The following TTLL5 variants were observed in gnomAD, a reference collection of about 807,000 sequenced individuals.
The protein encoded by TTLL5 is tubulin tyrosine ligase like 5.
TTLL5 carries 132 observed loss-of-function variants against 168.4 expected under a neutral mutation model. The ratio of observed to expected loss-of-function variants is 0.78; its 90% CI spans 0.68 to 0.91. TTLL5 has a LOEUF of 0.91. TTLL5 is among the 40% of genes least tolerant of loss of function. The pLI, the probability that TTLL5 is intolerant of heterozygous loss-of-function variation, is 0.00. For missense variants in TTLL5, 1,545 were observed against 1,581.5 expected (o/e 0.98, Z 0.39); for synonymous variants, 546 against 558.6 (o/e 0.98, Z 0.32).
chr14:75,937,985 G>A (rs1342972545), intron 31 of TTLL5, among the ~76,000 whole-genome samples: 1 of 152,186 alleles, frequency 6.6e-6, no homozygotes, highest in Non-Finnish European at 1.5e-5. Context: ...CCGCACACAA[G>A]GGTTTCTGTT....
chr14:75,922,782 T>C (rs1382026740), intron 31 of TTLL5, among the ~76,000 whole-genome samples: 1 of 152,202 alleles, frequency 6.6e-6, no homozygotes, highest in Non-Finnish European at 1.5e-5. Context: ...TTCTATTGAC[T>C]GGAATAGTTT....
chr14:75,760,158 A>G (rs578080175), intron 18 of TTLL5, among the ~76,000 whole-genome samples: 8 of 152,262 alleles, frequency 5.3e-5, no homozygotes, highest in African/African-American at 1.9e-4. Flanking sequence ...TTAGGATACA[A>G]GATCGACATA....
intron 31 of TTLL5, among the ~76,000 whole-genome samples, chr14:75,940,077 CTTTTTTT>C (rs5809741): frequency 1.3e-5 from 1 of 78,834 alleles, no homozygotes. Context: ...GAAATTAAAT[CTTTTTTT>C]TTTTTTTTTT....
Position 75,937,122 on chromosome 14 carries a change from A to ATTT in TTLL5, c.3824-17291_3824-17289dup, listed in dbSNP as rs33999782. 5.4e-3 allele frequency among the ~76,000 whole-genome samples: 783 copies of ATTT among 146,256 alleles called. 14 individuals are homozygous for ATTT. Among genetic ancestry groups the ATTT allele is most frequent in the South Asian group, 0.025 (116 of 4,608 alleles). On this transcript the variant is annotated intron_variant, in intron 31 of 31. Transcript: ENST00000298832. ...AGTGTATGGCATTAAGTACATTTAC[A>ATTT]TTTTTTTTTTTTTAAGTCAGAGTCT... is the stretch of plus-strand genomic sequence containing the variant.
intron 30 of TTLL5, among the ~76,000 whole-genome samples, chr14:75,890,121 T>G (rs1189170316): frequency 6.6e-6 from 1 of 152,170 alleles, no homozygotes; most frequent in South Asian, 2.1e-4. Flanking sequence ...CATGAGGACT[T>G]CCCTGAGCTC....
intron 14 of TTLL5, 45 bp downstream of exon 14, chr14:75,734,095 C>T (rs765296960): frequency 1.4e-5 from 22 of 1,588,960 alleles, no homozygotes; most frequent in Middle Eastern, 1.7e-4. Context: ...AAAAATTAAC[C>T]GGAGCGTCCA....
intron 31 of TTLL5, among the ~76,000 whole-genome samples, chr14:75,949,455 CTA>C (rs1429586192): frequency 9.4e-6 from 1 of 106,930 alleles, no homozygotes; most frequent in Non-Finnish European, 1.9e-5. Context: ...ATTCTATATC[CTA>C]TATATATATA....
chr14:75,764,220 T>C (rs1050323329), intron 18 of TTLL5, among the ~76,000 whole-genome samples: 1 of 152,228 alleles, frequency 6.6e-6, no homozygotes, highest in African/African-American at 2.4e-5. Context: ...GAGTAAGTTA[T>C]AATGGGTAGA....
intron 31 of TTLL5, among the ~76,000 whole-genome samples, chr14:75,914,830 A>G (rs1361848319): frequency 2.6e-5 from 4 of 152,208 alleles, no homozygotes; most frequent in East Asian, 1.9e-4. Context: ...TCACTGTGTT[A>G]GCCAGGATGG....
intron 29 of TTLL5, among the ~76,000 whole-genome samples, chr14:75,864,992 G>A (rs1171460584): frequency 4.0e-5 from 6 of 151,830 alleles, no homozygotes; most frequent in South Asian, 2.1e-4. Flanking sequence ...CTTTACCTGC[G>A]GTAGTATACT....
chr14:75,882,817 C>A lies in TTLL5; in HGVS notation c.3655C>A (p.Pro1219Thr). The change falls in exon 30 of 32, where the codon CCA becomes ACA. Residue 1219 changes from proline (P) to threonine (T), a missense_variant. Transcript: ENST00000298832. ...TCTGCCACAAAAAGTGGTACCACCTCCAAGTTCTTGCGCCTCCCTGGTTCC... is the reference window on the plus strand; with the variant it reads ...TCTGCCACAAAAAGTGGTACCACCTACAAGTTCTTGCGCCTCCCTGGTTCC... ...TTLPQKVVPP[P>T]SSCASLVPKP... is the part of the protein sequence containing the mutation. 6.2e-7 allele frequency: 1 copy of A among 1,614,130 alleles called. No homozygotes were observed. The highest frequency in any genetic ancestry group is 1.3e-5 in the African/African-American group (1 of 75,032).
intron 6 of TTLL5, among the ~76,000 whole-genome samples, chr14:75,690,606 T>C (rs1439850780): frequency 1.3e-5 from 2 of 150,374 alleles, no homozygotes; most frequent in Non-Finnish European, 3.0e-5. Flanking sequence ...CATTGATGAC[T>C]TAGTGCCTAT....
At chr14:75,668,879 T>G (rs80317062) in intron 2 of TTLL5, among the ~76,000 whole-genome samples, 4,606 of 152,288 alleles carry the variant, frequency 0.03, 118 homozygotes, top group African/African-American at 0.063. Flanking sequence ...AAGAGAATAC[T>G]TTCACTCATA....
intron 27 of TTLL5, among the ~76,000 whole-genome samples, chr14:75,802,967 G>A (rs759827338): frequency 6.6e-6 from 1 of 152,178 alleles, no homozygotes; most frequent in African/African-American, 2.4e-5. Flanking sequence ...GTAGCGAAAC[G>A]AGTGACAGGC....
At chr14:75,690,844 A>C (rs1377000199) in intron 6 of TTLL5, among the ~76,000 whole-genome samples, 2 of 152,000 alleles carry the variant, frequency 1.3e-5, no homozygotes, top group Non-Finnish European at 2.9e-5. Context: ...GGTCTTGAAC[A>C]CCTGGGCTCA....
At chr14:75,832,450 A>G (rs1020496091) in intron 28 of TTLL5, among the ~76,000 whole-genome samples, 1 of 152,082 alleles carries the variant, frequency 6.6e-6, no homozygotes, top group Admixed American at 6.5e-5. Flanking sequence ...CTTTCCTGAG[A>G]TGTAAGCTAC....
At chr14:75,889,825 TA>T (rs1183125823) in intron 30 of TTLL5, among the ~76,000 whole-genome samples, 14 of 32,934 alleles carry the variant, frequency 4.3e-4, no homozygotes, top group South Asian at 1.3e-3. Flanking sequence ...GCGAGACTCT[TA>T]AAAAAAAAAA....
intron 13 of TTLL5, among the ~76,000 whole-genome samples, chr14:75,733,224 C>T (rs1401084329): frequency 6.6e-6 from 1 of 152,150 alleles, no homozygotes; most frequent in Non-Finnish European, 1.5e-5. Flanking sequence ...TCAAGTCAGC[C>T]TTTTGCAGGT....
chr14:75,912,765 G>A lies in TTLL5; in HGVS notation c.3823+10541G>A, dbSNP rs73307350. Among the ~76,000 whole-genome samples the A allele has an allele frequency of 6.2e-3, 947 of 152,304 alleles. 9 individuals are homozygous for A. The highest frequency in any genetic ancestry group is 0.022 in the African/African-American group (905 of 41,582). The stretch of plus-strand genomic sequence containing the variant: ...ACACCTAATAAAGTAGTAGTCAACT[G>A]CTAATGAACTATTAAAAAATAGTCA... On this transcript the variant is annotated intron_variant, in intron 31 of 31. Coordinates refer to ENST00000298832, the MANE Select transcript of TTLL5 (RefSeq NM_015072.5).
Sources: allele counts gnomAD v4.1 joint callset (sites outside exome capture counted in the v4.1 genomes callset), GRCh38; gene constraint gnomAD v4.1.1; transcripts MANE v1.5; gene names NCBI Gene and HGNC (gene_info 2026-07-23, HGNC 2026-07-21).